Variants in ATXN2 observed in about 807,000 individuals in gnomAD.
ATXN2 encodes ataxin 2.
A neutral mutation model predicts 138.6 loss-of-function variants in ATXN2; 37 were observed. The observed-to-expected ratio is 0.27, with a 90% CI of 0.21 to 0.35. The LOEUF (loss-of-function observed/expected upper bound fraction) is 0.35, where lower values mean the gene tolerates loss of function less well. Ranked by LOEUF, ATXN2 falls within the 10% of genes least tolerant of loss-of-function variation. ATXN2 has a pLI of 1.00. For missense variants in ATXN2, 1,216 were observed against 1,480.3 expected, an observed-to-expected ratio of 0.82 and a Z score of 2.93; for synonymous variants, 549 against 543.7, an observed-to-expected ratio of 1.01 and a Z score of -0.13.
At chr12:111,546,629 C>T (rs977406212) in intron 5 of ATXN2, among the ~76,000 whole-genome samples, 5 of 151,306 alleles carry the variant, frequency 3.3e-5, no homozygotes, top group Admixed American at 1.3e-4. Flanking sequence ...AATGGCGCAA[C>T]AGGAAGAGCA....
At chr12:111,498,476 T>A (rs892644983) in intron 14 of ATXN2, among the ~76,000 whole-genome samples, 1 of 152,130 alleles carries the variant, frequency 6.6e-6, no homozygotes, top group African/African-American at 2.4e-5. Context: ...TTACAATAGC[T>A]ACAAATATAA....
chr12:111,557,748 C>A (rs1390117435), intron 1 of ATXN2, among the ~76,000 whole-genome samples: 1 of 152,122 alleles, frequency 6.6e-6, no homozygotes, highest in Non-Finnish European at 1.5e-5. Context: ...CCTCGCCTAA[C>A]AAAAATTCTA....
upstream of ATXN2, chr12:111,599,319 G>T: frequency 8.5e-7 from 1 of 1,177,120 alleles, no homozygotes; most frequent in South Asian, 4.1e-5. Flanking sequence ...GAGCTCTGCC[G>T]GGAGGGAGGG....
At chr12:111,546,751 GA>G (rs1400904555) in intron 5 of ATXN2, among the ~76,000 whole-genome samples, 5 of 152,198 alleles carry the variant, frequency 3.3e-5, no homozygotes, top group African/African-American at 1.2e-4. Flanking sequence ...CACGAATACA[GA>G]GCCAAAAGCG....
At position 111,552,755 on chromosome 12, in the gene ATXN2, G is replaced by C; in HGVS notation, c.420+151C>G. ...TTTTAATAAGCACACACATCAAGAAGCCTCTCTGATTACACAAACCAGTCT... is the reference window on the plus strand; with the variant it reads ...TTTTAATAAGCACACACATCAAGAACCCTCTCTGATTACACAAACCAGTCT... On this transcript the variant is annotated intron_variant, in intron 4 of 24. Transcript: ENST00000673436. This position sits in a 1 kb window ranked among gnomAD's most constrained non-coding sequence, Gnocchi z 4.1. 1 of 585,864 alleles carries C rather than the reference G, an allele frequency of 1.7e-6. No homozygotes were observed. The highest frequency in any genetic ancestry group is 2.9e-6 in the Non-Finnish European group (1 of 348,412). The allele number at this position is 585,864 out of a possible 1,614,324, so 36.3% of individuals were successfully genotyped here.
intron 1 of ATXN2, among the ~76,000 whole-genome samples, chr12:111,588,238 T>C (rs1884445168): frequency 6.7e-6 from 1 of 149,894 alleles, no homozygotes; most frequent in Non-Finnish European, 1.5e-5. Context: ...ATTGACATTG[T>C]AAAGTCACTT....
At chr12:111,576,672 A>G (rs1235483028) in intron 1 of ATXN2, among the ~76,000 whole-genome samples, 2 of 151,716 alleles carry the variant, frequency 1.3e-5, no homozygotes, top group Non-Finnish European at 2.9e-5. Flanking sequence ...TAATAAACAC[A>G]GGGTAGGCCA....
At chr12:111,503,126 G>T (rs1878887039) in intron 14 of ATXN2, among the ~76,000 whole-genome samples, 1 of 152,150 alleles carries the variant, frequency 6.6e-6, no homozygotes, top group African/African-American at 2.4e-5. Flanking sequence ...CAAAAGGGAA[G>T]GAACAACAAA....
intron 22 of ATXN2, 59 bp downstream of exon 22, chr12:111,457,155 A>C (rs1875169470): frequency 6.4e-7 from 1 of 1,555,576 alleles, no homozygotes; most frequent in Non-Finnish European, 8.7e-7. Context: ...CACCTGAAGA[A>C]AGCACTCAGA....
At chr12:111,506,649 C>CCTCCTT (rs897293842) in intron 14 of ATXN2, among the ~76,000 whole-genome samples, 2 of 149,674 alleles carry the variant, frequency 1.3e-5, no homozygotes, top group African/African-American at 5.0e-5. Context: ...TCCCCCTCCC[C>CCTCCTT]CTCCTTCTCC....
Position 111,598,247 on chromosome 12 carries a change from A to T in ATXN2, c.251+537T>A. 1 of 1,034,310 alleles carries T rather than the reference A, an allele frequency of 9.7e-7. No individual in the cohort carries two copies. Among genetic ancestry groups the T allele is most frequent in the South Asian group, 3.4e-5 (1 of 29,064 alleles). The allele number at this position is 1,034,310 out of a possible 1,614,324, so 64.1% of individuals were successfully genotyped here. ...GGGGAGAGAGCCCCGACAGACCCTG[A>T]TGATTCCGGAGGAGCCCGGTGCCTA... On this transcript the variant is annotated intron_variant, in intron 1 of 24. Coordinates refer to ENST00000673436, the MANE Select transcript of ATXN2 (RefSeq NM_001372574.1). The surrounding 1 kb of genome is among the most constrained non-coding windows in gnomAD (Gnocchi z 4.5).
intron 5 of ATXN2, among the ~76,000 whole-genome samples, chr12:111,531,484 A>T (rs1297479815): frequency 6.6e-6 from 1 of 152,246 alleles, no homozygotes; most frequent in Non-Finnish European, 1.5e-5. Context: ...TGTACACAAG[A>T]ACACAGGCTT....
chr12:111,595,271 C>CT (rs1884877208), intron 1 of ATXN2, among the ~76,000 whole-genome samples: 1 of 152,164 alleles, frequency 6.6e-6, no homozygotes, highest in Admixed American at 6.6e-5. Flanking sequence ...AAGCAAAAAG[C>CT]TATTTAAAAA....
chr12:111,532,837 C>A (rs1282066981), intron 5 of ATXN2, among the ~76,000 whole-genome samples: 1 of 137,654 alleles, frequency 7.3e-6, no homozygotes, highest in African/African-American at 2.8e-5. Context: ...ATCAAGGCTG[C>A]AGAAATAGGT....
At chr12:111,466,655 C>T (rs964134986) in intron 20 of ATXN2, among the ~76,000 whole-genome samples, 1 of 152,084 alleles carries the variant, frequency 6.6e-6, no homozygotes, top group Non-Finnish European at 1.5e-5. Flanking sequence ...ATTAAACATA[C>T]TAAAAATTTA....
chr12:111,592,318 G>A (rs1884709971), intron 1 of ATXN2, among the ~76,000 whole-genome samples: 1 of 151,838 alleles, frequency 6.6e-6, no homozygotes, highest in Admixed American at 6.6e-5. Flanking sequence ...TTGAACCTGG[G>A]AGGCGGAGGT....
intron 14 of ATXN2, among the ~76,000 whole-genome samples, chr12:111,492,277 CAG>C (rs1449586598): frequency 1.3e-5 from 2 of 152,234 alleles, no homozygotes; most frequent in African/African-American, 2.4e-5. Flanking sequence ...GATACCTCTA[CAG>C]AGTCACAACA....
chr12:111,514,052 T>A (rs1431055189), intron 10 of ATXN2, among the ~76,000 whole-genome samples: 1 of 152,154 alleles, frequency 6.6e-6, no homozygotes, highest in African/African-American at 2.4e-5. Context: ...AAAACATATG[T>A]ACATACCCTT....
At chr12:111,521,316 T>C (rs189513499) in intron 6 of ATXN2, among the ~76,000 whole-genome samples, 95 of 152,300 alleles carry the variant, frequency 6.2e-4, no homozygotes, top group Non-Finnish European at 1.3e-4. Context: ...GTAACCTTCT[T>C]GAGATCACAC....
Sources: allele counts gnomAD v4.1 joint callset (sites outside exome capture counted in the v4.1 genomes callset), GRCh38; gene constraint gnomAD v4.1.1; non-coding constraint Gnocchi (gnomAD v3.1); transcripts MANE v1.5; gene names NCBI Gene and HGNC (gene_info 2026-07-23, HGNC 2026-07-21).